The following CIB2 variants were observed in gnomAD, a reference collection of about 807,000 sequenced individuals.
CIB2 encodes the protein calcium and integrin binding family member 2.
In CIB2, 19 loss-of-function variants were observed where a neutral mutation model predicts 23.1. That is an observed-to-expected ratio of 0.82 (90% CI 0.57 to 1.21). The LOEUF is 1.21. CIB2 is among the 50% of genes most tolerant of loss of function. The probability of loss-of-function intolerance (pLI) is 0.00; values close to 1 mark genes in which losing one functional copy is unlikely to be tolerated. For synonymous variants in CIB2, 94 were observed against 91.7 expected (o/e 1.03, Z -0.14); for missense variants, 220 against 241.5 (o/e 0.91, Z 0.59).
At chr15:78,106,505 T>C (rs1029698426) in intron 4 of CIB2, among the ~76,000 whole-genome samples, 3 of 152,154 alleles carry the variant, frequency 2.0e-5, no homozygotes, top group African/African-American at 7.2e-5. Flanking sequence ...TGCCTGGCCT[T>C]TGTGCACACA....
At chr15:78,125,027 G>T (rs1285385125) in intron 1 of CIB2, among the ~76,000 whole-genome samples, 1 of 152,150 alleles carries the variant, frequency 6.6e-6, no homozygotes, top group African/African-American at 2.4e-5. Flanking sequence ...TGCTCCCTGG[G>T]AGTTAGACTA....
intron 3 of CIB2, chr15:78,110,570 A>G: frequency 2.3e-6 from 1 of 438,500 alleles, no homozygotes; most frequent in South Asian, 1.6e-5. Context: ...TTAATGCTGA[A>G]TGCACTTTAC....
At chr15:78,110,859 AAC>A (rs1406230023) in intron 3 of CIB2, 5 of 488,324 alleles carry the variant, frequency 1.0e-5, no homozygotes, top group Non-Finnish European at 2.0e-5. Flanking sequence ...AAAGTTATCT[AAC>A]AAAGCAGACA....
At position 78,105,187 on chromosome 15, in the gene CIB2, G is replaced by T. The variant is rs1356382194; in HGVS notation, c.*124C>A. ...TTTTTTTTTTGCTGAAAGGGCCACA[G>T]GATATATTTGTGGTGTAAACCCCAG... is the stretch of plus-strand genomic sequence containing the variant. On this transcript the variant is annotated 3_prime_UTR_variant, in exon 6 of 6. Transcript: ENST00000258930. 15 of 1,322,404 alleles carry T rather than the reference G, an allele frequency of 1.1e-5. No individual in the cohort carries two copies. The highest frequency in any genetic ancestry group is 1.6e-5 in the Non-Finnish European group (15 of 941,110). The allele number at this position is 1,322,404 out of a possible 1,614,324, so 81.9% of individuals were successfully genotyped here.
At chr15:78,111,132 C>T (rs1285218210) in intron 3 of CIB2, 33 bp downstream of exon 3, 2 of 1,585,940 alleles carry the variant, frequency 1.3e-6, no homozygotes, top group African/African-American at 1.3e-5. Flanking sequence ...AGGCACAGAT[C>T]CCCTGCTCGC....
intron 2 of CIB2, among the ~76,000 whole-genome samples, chr15:78,119,798 C>G (rs1482012373): frequency 6.6e-6 from 1 of 151,884 alleles, no homozygotes; most frequent in Non-Finnish European, 1.5e-5. Context: ...GTCTTGAACT[C>G]CTGACCTCAT....
rs999161004 is a variant in CIB2, at chr15:78,119,079, C to CT, written c.86+4625dup. Among the ~76,000 whole-genome samples, 22 of 151,000 alleles carry CT rather than the reference C, an allele frequency of 1.5e-4. 1 individual carries two copies. Among genetic ancestry groups the CT allele is most frequent in the African/African-American group, 5.4e-4 (22 of 41,094 alleles). On this transcript the variant is annotated intron_variant, in intron 2 of 5. Coordinates refer to ENST00000258930, the MANE Select transcript of CIB2 (RefSeq NM_006383.4). ...CCTGTAATCCCAGCTAATTGGGTGGCTGAGGCAGGAGAATTGCTTGAACCT... is the reference window on the plus strand; with the variant it reads ...CCTGTAATCCCAGCTAATTGGGTGGCTTGAGGCAGGAGAATTGCTTGAACCT...
chr15:78,104,924 T>C lies in CIB2; in HGVS notation c.*387A>G. 5.2e-6 allele frequency: 1 copy of C among 191,700 alleles called. No individual in the cohort carries two copies. The allele number at this position is 191,700 out of a possible 1,614,324, so 11.9% of individuals were successfully genotyped here. A position where few individuals can be genotyped will look rare whatever the true frequency, so the allele number is the denominator to read the frequency against. Reference sequence around the variant, plus strand: ...CCTGACCTCTTTTTTTTTTTTCCGCTCTGTCCTGGGTGACCAGGGTGTCTG... The same window carrying C: ...CCTGACCTCTTTTTTTTTTTTCCGCCCTGTCCTGGGTGACCAGGGTGTCTG... On this transcript the variant is annotated 3_prime_UTR_variant, in exon 6 of 6. Transcript: ENST00000258930. This position sits in a 1 kb window ranked among gnomAD's most constrained non-coding sequence, Gnocchi z 4.4.
rs1388617460 is a variant in CIB2, at chr15:78,105,202, G to A, written c.*109C>T. 6 of 1,447,758 alleles carry A rather than the reference G, an allele frequency of 4.1e-6. No individual in the cohort carries two copies. Among genetic ancestry groups the A allele is most frequent in the Admixed American group, 3.8e-5 (2 of 52,762 alleles). The allele number at this position is 1,447,758 out of a possible 1,614,324, so 89.7% of individuals were successfully genotyped here. A position where few individuals can be genotyped will look rare whatever the true frequency, so the allele number is the denominator to read the frequency against. Reference sequence around the variant, plus strand: ...AAGGGCCACAGGATATATTTGTGGTGTAAACCCCAGAGGCTGCCACTGCTT... The same window carrying A: ...AAGGGCCACAGGATATATTTGTGGTATAAACCCCAGAGGCTGCCACTGCTT... On this transcript the variant is annotated 3_prime_UTR_variant, in exon 6 of 6. Transcript: ENST00000258930.
At chr15:78,127,451 A>C (rs2074396282) in intron 1 of CIB2, among the ~76,000 whole-genome samples, 1 of 152,162 alleles carries the variant, frequency 6.6e-6, no homozygotes, top group Non-Finnish European at 1.5e-5. Flanking sequence ...CTCTCAGAAC[A>C]TTGGCAGCAG....
At chr15:78,127,333 G>A (rs889897808) in intron 1 of CIB2, among the ~76,000 whole-genome samples, 1 of 152,146 alleles carries the variant, frequency 6.6e-6, no homozygotes, top group Admixed American at 6.5e-5. Flanking sequence ...CTTGGTTCCT[G>A]ACAGTACACA....
rs144346527 is a variant in CIB2, at chr15:78,109,350, C to T, written c.231G>A (p.Ala77=). The change falls in exon 4 of 6, where the codon GCG becomes GCA. Residue 77 remains alanine (A), a synonymous_variant. Coordinates refer to ENST00000258930, the MANE Select transcript of CIB2 (RefSeq NM_006383.4). The part of the protein sequence containing the change: ...ENPFKERIVA[A]FSEDGEGNLT... ...GGTTCCCCTCACCATCCTCGGAAAA[C>T]GCCGCCACGATCCTTTCTTTGAAGG... The T allele has an allele frequency of 2.0e-4, 328 of 1,614,136 alleles. 1 individual carries two copies. In the African/African-American group the frequency reaches 3.7e-3, roughly 18 times the overall value.
chr15:78,109,568 G>A, intron 3 of CIB2, 186 bp from the exon 4 acceptor site: 1 of 664,868 alleles, frequency 1.5e-6, no homozygotes, highest in Non-Finnish European at 2.6e-6. Flanking sequence ...GATTAAATGA[G>A]CTAAAGTATG....
intron 5 of CIB2, 59 bp downstream of exon 5, chr15:78,105,680 C>G: frequency 6.2e-7 from 1 of 1,610,500 alleles, no homozygotes; most frequent in East Asian, 2.2e-5. Flanking sequence ...GCCTCAGCCC[C>G]AACATCCCGG....
rs774081496 is a variant in CIB2, at chr15:78,109,328, T to C, written c.253A>G (p.Asn85Asp). 4.3e-6 allele frequency: 7 copies of C among 1,613,852 alleles called. No individual in the cohort carries two copies. The East Asian group carries it at 1.6e-4, about 36-fold the overall frequency. ...VAAFSEDGEG[N>D]LTFNDFVDMF... is the part of the protein sequence containing the mutation. ...TCCACAAAGTCGTTGAAAGTGAGGTTCCCCTCACCATCCTCGGAAAACGCC... is the reference window on the plus strand; with the variant it reads ...TCCACAAAGTCGTTGAAAGTGAGGTCCCCCTCACCATCCTCGGAAAACGCC... The change falls in exon 4 of 6, where the codon AAC (asparagine) becomes GAC (aspartate). Residue 85 changes from asparagine (N) to aspartate (D), a missense_variant. By Grantham distance (23) the Asn-to-Asp change is conservative (BLOSUM62 1). Transcript: ENST00000258930.
intron 1 of CIB2, among the ~76,000 whole-genome samples, chr15:78,128,694 C>CAA (rs531565613): frequency 3.7e-5 from 2 of 54,512 alleles, no homozygotes; most frequent in African/African-American, 6.3e-5. Context: ...GACTCCGTCT[C>CAA]AAAAAAAAAA....
rs1337306795 is a variant in CIB2, at chr15:78,128,377, G to GT, written c.51+2787dup. Among the ~76,000 whole-genome samples the GT allele has an allele frequency of 2.6e-5, 4 of 152,186 alleles. No homozygotes were observed. In the South Asian group the frequency reaches 6.2e-4, roughly 24 times the overall value. ...AACTTTGGGTGCAAAGGGAAAGGGA[G>GT]TAAGAAATGAGGCTGGAGGCCCGGC... is the stretch of plus-strand genomic sequence containing the variant. On this transcript the variant is annotated intron_variant, in intron 1 of 5. Transcript: ENST00000258930.
intron 3 of CIB2, among the ~76,000 whole-genome samples, chr15:78,110,400 G>A (rs770735804): frequency 1.3e-5 from 2 of 152,156 alleles, no homozygotes; most frequent in Non-Finnish European, 2.9e-5. Context: ...CTGAGCCTGG[G>A]GCCCATTGTC....
In CIB2 at chr15:78,111,283, G is replaced by A; in HGVS notation, c.87-7C>T. ...ATAGAATCGCGAATGCAGCCTTGGAGGAAAGCAGAGAAAAAGCGCTGGAGG... is the reference window on the plus strand; with the variant it reads ...ATAGAATCGCGAATGCAGCCTTGGAAGAAAGCAGAGAAAAAGCGCTGGAGG... On this transcript the variant is annotated splice_region_variant and splice_polypyrimidine_tract_variant and intron_variant, in intron 2 of 5. Transcript: ENST00000258930. 1.2e-6 allele frequency: 2 copies of A among 1,612,504 alleles called. No homozygotes were observed. The highest frequency in any genetic ancestry group is 2.2e-5 in the South Asian group (2 of 90,994).
Sources: gnomAD v4.1 joint callset for allele counts (sites outside exome capture counted in the v4.1 genomes callset) on GRCh38, gnomAD v4.1.1 for gene constraint, Gnocchi (gnomAD v3.1) non-coding constraint, MANE v1.5 for transcripts, NCBI Gene and HGNC (gene_info 2026-07-23, HGNC 2026-07-21) for gene names.